Variants in SCN9A observed in about 807,000 individuals in gnomAD.
The protein encoded by SCN9A is sodium voltage-gated channel alpha subunit 9.
A neutral mutation model predicts 187.0 loss-of-function variants in SCN9A; 131 were observed. The ratio of observed to expected loss-of-function variants is 0.70; its 90% CI spans 0.61 to 0.81. The LOEUF (loss-of-function observed/expected upper bound fraction) is 0.81. Among genes scored for constraint, SCN9A ranks in the 30% least tolerant of loss-of-function variants. The pLI is 0.00. For missense variants in SCN9A, 2,252 were observed against 2,396.6 expected (o/e 0.94, Z 1.26); for synonymous variants, 809 against 808.6 (o/e 1.00, Z -0.01).
chr2:166,214,507 T>C (rs1033176674), intron 24 of SCN9A, among the ~76,000 whole-genome samples: 14 of 42,312 alleles, frequency 3.3e-4, no homozygotes, highest in African/African-American at 1.2e-3. Context: ...ATCTTTCTTT[T>C]TTTTTTTTTT....
intron 1 of SCN9A, among the ~76,000 whole-genome samples, chr2:166,374,123 T>C (rs1010016785): frequency 2.0e-5 from 3 of 152,180 alleles, no homozygotes; most frequent in Non-Finnish European, 4.4e-5. Flanking sequence ...CAAGATGCTT[T>C]TGGCAGAGAG....
At chr2:166,275,979 G>T (rs112026083) in intron 16 of SCN9A, among the ~76,000 whole-genome samples, 69 of 152,156 alleles carry the variant, frequency 4.5e-4, no homozygotes, top group African/African-American at 1.5e-3. Context: ...TTACCATATG[G>T]CTGTTACCAT....
At chr2:166,269,959 A>G (rs183277752) in intron 17 of SCN9A, among the ~76,000 whole-genome samples, 2 of 152,150 alleles carry the variant, frequency 1.3e-5, no homozygotes, top group African/African-American at 4.8e-5. Flanking sequence ...TAGTTAGAAA[A>G]AAATAGGTGA....
chr2:166,247,542 G>T (rs1461248945), intron 18 of SCN9A, among the ~76,000 whole-genome samples: 1 of 152,022 alleles, frequency 6.6e-6, no homozygotes, highest in African/African-American at 2.4e-5. Context: ...TTTTGAGACA[G>T]AGTCTCACTT....
chr2:166,225,308 C>T (rs535476978), intron 24 of SCN9A, among the ~76,000 whole-genome samples: 3 of 152,246 alleles, frequency 2.0e-5, no homozygotes, highest in South Asian at 2.1e-4. Context: ...TCAATTGTCA[C>T]GTATTTCATA....
Position 166,228,222 on chromosome 2 carries a change from G to A in SCN9A, c.4206+469C>T, listed in dbSNP as rs58582570. ...GAACCCATGCTTCTTATTCATGTAG[G>A]AACATGTTCTAGGAAAGACCAACAC... is the stretch of plus-strand genomic sequence containing the variant. On this transcript the variant is annotated intron_variant, in intron 22 of 26. Transcript: ENST00000642356. 4.7e-3 allele frequency among the ~76,000 whole-genome samples: 689 copies of A among 145,790 alleles called. 7 individuals carry two copies. Among genetic ancestry groups the A allele is most frequent in the Non-Finnish European group, 4.8e-3 (321 of 67,138 alleles).
chr2:166,223,560 C>T (rs1241221504), intron 24 of SCN9A, among the ~76,000 whole-genome samples: 1 of 152,140 alleles, frequency 6.6e-6, no homozygotes, highest in Non-Finnish European at 1.5e-5. Context: ...ATGGTGATTG[C>T]CAGGGCATGA....
At chr2:166,203,656 G>A (rs954156549) in intron 26 of SCN9A, among the ~76,000 whole-genome samples, 1 of 151,918 alleles carries the variant, frequency 6.6e-6, no homozygotes, top group Non-Finnish European at 1.5e-5. Flanking sequence ...CCAAGACACA[G>A]CTATATATAA....
intron 19 of SCN9A, among the ~76,000 whole-genome samples, chr2:166,241,930 C>T (rs1413062254): frequency 6.6e-6 from 1 of 152,102 alleles, no homozygotes; most frequent in East Asian, 1.9e-4. Context: ...TCTCAGGGTA[C>T]AAAACATTAC....
Position 166,195,275 on chromosome 2 carries a change from A to G in SCN9A, c.*3397T>C, listed in dbSNP as rs1693213673. The G allele has an allele frequency of 6.6e-6, 1 of 152,252 alleles. No homozygotes were observed. Among genetic ancestry groups the G allele is most frequent in the South Asian group, 2.1e-4 (1 of 4,834 alleles). The allele number at this position is 152,252 out of a possible 1,614,324, so 9.4% of individuals were successfully genotyped here. ...ATATAACTACAATATAATTTATGGC[A>G]AACTCAAACATTTTGAGCATTCATA... On this transcript the variant is annotated 3_prime_UTR_variant, in exon 27 of 27. Transcript: ENST00000642356.
At chr2:166,258,788 C>A (rs111428122) in intron 17 of SCN9A, among the ~76,000 whole-genome samples, 1,889 of 151,738 alleles carry the variant, frequency 0.012, 44 homozygotes, top group African/African-American at 0.043. Flanking sequence ...ACTTCTTCCA[C>A]AATTTTTTAG....
chr2:166,235,285 T>A (rs1428126030), intron 20 of SCN9A, among the ~76,000 whole-genome samples: 1 of 152,032 alleles, frequency 6.6e-6, no homozygotes, highest in African/African-American at 2.4e-5. Flanking sequence ...ATTAAGACTA[T>A]GGTATAGTTT....
chr2:166,316,425 T>C (rs970602266), intron 1 of SCN9A, among the ~76,000 whole-genome samples: 13 of 152,238 alleles, frequency 8.5e-5, no homozygotes, highest in Non-Finnish European at 1.3e-4. Flanking sequence ...CTGGGTGCGG[T>C]GGCTCACGCC....
rs115384645 is a variant in SCN9A at position 166,211,199 on chromosome 2, T to A, written c.4399-6735A>T. Among the ~76,000 whole-genome samples the A allele has an allele frequency of 8.8e-3, 1,336 of 152,234 alleles. 17 individuals are homozygous for A. Among genetic ancestry groups the A allele is most frequent in the African/African-American group, 0.03 (1,262 of 41,536 alleles). Reference sequence around the variant, plus strand: ...GCTCTCTTAAGATGAACAGCAGATTTCTCAGTGGAAACTTTAAAAGAGCAA... The same window carrying A: ...GCTCTCTTAAGATGAACAGCAGATTACTCAGTGGAAACTTTAAAAGAGCAA... On this transcript the variant is annotated intron_variant, in intron 24 of 26. Transcript: ENST00000642356.
At chr2:166,199,926 G>T in intron 26 of SCN9A, 62 bp from the exon 27 acceptor site, 1 of 1,117,108 alleles carries the variant, frequency 9.0e-7, no homozygotes, top group Non-Finnish European at 1.3e-6. Flanking sequence ...CTGAAATGAT[G>T]ACTCTAAACA....
At chr2:166,249,957 T>C (rs2106423050) in intron 18 of SCN9A, among the ~76,000 whole-genome samples, 1 of 152,244 alleles carries the variant, frequency 6.6e-6, no homozygotes, top group East Asian at 1.9e-4. Context: ...GAGCAGGCCA[T>C]ACATGTTGAT....
At position 166,198,831 on chromosome 2, in the gene SCN9A, A is replaced by G. The variant is rs1317449680; in HGVS notation, c.5808T>C (p.Asn1936=). 6.2e-7 allele frequency: 1 copy of G among 1,613,406 alleles called. No individual in the cohort carries two copies. Among genetic ancestry groups the G allele is most frequent in the African/African-American group, 1.3e-5 (1 of 74,920 alleles). The change falls in exon 27 of 27, where the codon AAT becomes AAC. Residue 1936 remains asparagine, a synonymous_variant. Coordinates refer to ENST00000642356, the MANE Select transcript of SCN9A (RefSeq NM_001365536.1). ...LLNKKDMAFD[N]VNENSSPEKT... ...TTTCTGGACTTGAGTTCTCATTAAC[A>G]TTATCAAAAGCCATATCTTTTTTAT...
In SCN9A at chr2:166,197,869, CTTTG is replaced by C. The variant is rs1258949233; in HGVS notation, c.*799_*802del. 2 of 151,204 alleles carry C rather than the reference CTTTG, an allele frequency of 1.3e-5. 1 individual carries two copies. Among genetic ancestry groups the C allele is most frequent in the South Asian group, 4.2e-4 (2 of 4,808 alleles). 9.4% of individuals were successfully genotyped at this position (151,204 alleles called of 1,614,324 possible). ...TGTCAATAACTTTTTTCTCAGTTAT[CTTTG>C]TTTTTTTTGAGGAGTGTAATATGTA... On this transcript the variant is annotated 3_prime_UTR_variant, in exon 27 of 27. Transcript: ENST00000642356.
At chr2:166,314,647 G>C (rs1293078548) in intron 1 of SCN9A, among the ~76,000 whole-genome samples, 2 of 152,144 alleles carry the variant, frequency 1.3e-5, no homozygotes, top group Non-Finnish European at 2.9e-5. Context: ...TGAAGTATAG[G>C]TACATGTTAC....
Sources: allele counts gnomAD v4.1 joint callset (sites outside exome capture counted in the v4.1 genomes callset), GRCh38; gene constraint gnomAD v4.1.1; transcripts MANE v1.5; gene names NCBI Gene and HGNC (gene_info 2026-07-23, HGNC 2026-07-21).